EYA2: variants seen among roughly 807,000 people sequenced by gnomAD.
EYA2 encodes the protein protein phosphatase EYA2.
A neutral mutation model predicts 69.2 loss-of-function variants in EYA2; 31 were observed. The observed-to-expected ratio is 0.45, with a 90% confidence interval of 0.34 to 0.60. The LOEUF (loss-of-function observed/expected upper bound fraction) is 0.60, where lower values mean the gene tolerates loss of function less well. EYA2 is among the 20% of genes least tolerant of loss of function. The pLI, the probability that EYA2 is intolerant of heterozygous loss-of-function variation, is 0.02. For synonymous variants in EYA2, 257 were observed against 279.4 expected (o/e 0.92, Z 0.80); for missense variants, 622 against 701.2 (o/e 0.89, Z 1.28).
At chr20:46,936,174 A>G (rs187353856) in intron 1 of EYA2, among the ~76,000 whole-genome samples, 3 of 152,146 alleles carry the variant, frequency 2.0e-5, no homozygotes, top group Admixed American at 2.0e-4. Flanking sequence ...GATGACATTT[A>G]AAAAAAGCCT....
chr20:47,060,546 C>A (rs1340238995), intron 5 of EYA2, among the ~76,000 whole-genome samples: 1 of 152,258 alleles, frequency 6.6e-6, no homozygotes, highest in Non-Finnish European at 1.5e-5. Flanking sequence ...TAGTCTTCAT[C>A]AGCCTGGGCA....
chr20:46,894,937 G>GGCCCGCCC lies in EYA2; in HGVS notation c.-50_-43dup, dbSNP rs957647329. The GGCCCGCCC allele has an allele frequency of 4.0e-5, 6 of 151,502 alleles. 1 individual carries two copies. The highest frequency in any genetic ancestry group is 1.4e-4 in the African/African-American group (6 of 41,444). The allele number at this position is 151,502 out of a possible 1,614,324, so 9.4% of individuals were successfully genotyped here. ...AGCCCGGCCTCGTCGGACCCGCACCGGCCCGCCCGCCCGCCCGCACCGCGT... is the reference window on the plus strand; with the variant it reads ...AGCCCGGCCTCGTCGGACCCGCACCGGCCCGCCCGCCCGCCCGCCCGCCCGCACCGCGT... On this transcript the variant is annotated 5_prime_UTR_variant, in exon 1 of 16. Coordinates refer to ENST00000327619, the MANE Select transcript of EYA2 (RefSeq NM_005244.5).
intron 1 of EYA2, among the ~76,000 whole-genome samples, chr20:46,970,951 G>C (rs1980105518): frequency 6.6e-6 from 1 of 152,110 alleles, no homozygotes; most frequent in African/African-American, 2.4e-5. Context: ...ACTATGACGG[G>C]GGAAATAGAT....
Position 47,108,042 on chromosome 20 carries a change from C to T in EYA2, c.888+10874C>T, listed in dbSNP as rs149691486. Among the ~76,000 whole-genome samples, 191 of 152,260 alleles carry T rather than the reference C, an allele frequency of 1.3e-3. 2 individuals carry two copies. The highest frequency in any genetic ancestry group is 4.5e-3 in the African/African-American group (187 of 41,554). On this transcript the variant is annotated intron_variant, in intron 9 of 15. Coordinates refer to ENST00000327619, the MANE Select transcript of EYA2 (RefSeq NM_005244.5). Reference sequence around the variant, plus strand: ...GGAGTTTGAGGGACAGCAAGGAGGCCAGTGTGGCTGGAGCACAGCAGACTG... The same window carrying T: ...GGAGTTTGAGGGACAGCAAGGAGGCTAGTGTGGCTGGAGCACAGCAGACTG...
chr20:46,960,378 C>T (rs1979400425), intron 1 of EYA2, among the ~76,000 whole-genome samples: 1 of 152,182 alleles, frequency 6.6e-6, no homozygotes. Context: ...ATAATAAAAA[C>T]AGCTAAGTTT....
At chr20:47,080,521 T>G in intron 7 of EYA2, among the ~76,000 whole-genome samples, 1 of 144,576 alleles carries the variant, frequency 6.9e-6, no homozygotes. Context: ...GGAGGGAAGA[T>G]TGGTCAAAGG....
intron 5 of EYA2, among the ~76,000 whole-genome samples, chr20:47,028,010 G>A (rs1392059767): frequency 6.6e-6 from 1 of 152,164 alleles, no homozygotes; most frequent in East Asian, 1.9e-4. Flanking sequence ...TGGTGATGAG[G>A]CCTTTGGGAG....
chr20:47,120,331 G>A (rs2033012830), intron 9 of EYA2, among the ~76,000 whole-genome samples: 3 of 152,006 alleles, frequency 2.0e-5, no homozygotes, highest in Admixed American at 2.0e-4. Context: ...AGCTATGATC[G>A]CACCACTGCA....
intron 8 of EYA2, among the ~76,000 whole-genome samples, chr20:47,091,781 A>G (rs1187913262): frequency 6.6e-6 from 1 of 152,158 alleles, no homozygotes; most frequent in Non-Finnish European, 1.5e-5. Context: ...TTAAGCAAAA[A>G]TGAATTTACT....
intron 9 of EYA2, among the ~76,000 whole-genome samples, chr20:47,097,841 A>G (rs1161829186): frequency 1.8e-4 from 27 of 152,206 alleles, no homozygotes; most frequent in Non-Finnish European, 4.4e-5. Context: ...TGGATGCCCT[A>G]GACATCTGTC....
chr20:47,139,018 C>T (rs1024801006), intron 9 of EYA2, among the ~76,000 whole-genome samples: 4 of 152,176 alleles, frequency 2.6e-5, no homozygotes, highest in African/African-American at 4.8e-5. Context: ...TGATGTGTCC[C>T]TGTTAATACA....
intron 9 of EYA2, among the ~76,000 whole-genome samples, 153 bp downstream of exon 9, chr20:47,097,321 C>G (rs2032279531): frequency 6.6e-6 from 1 of 152,196 alleles, no homozygotes; most frequent in Non-Finnish European, 1.5e-5. Flanking sequence ...ATTCCTATGA[C>G]ATTTTCCTTT....
intron 1 of EYA2, among the ~76,000 whole-genome samples, chr20:46,987,311 A>G (rs1981294102): frequency 6.6e-6 from 1 of 152,230 alleles, no homozygotes; most frequent in Non-Finnish European, 1.5e-5. Context: ...ATTATGAAAT[A>G]GTATCCTTCT....
intron 9 of EYA2, among the ~76,000 whole-genome samples, chr20:47,118,362 A>C (rs1368708522): frequency 1.3e-5 from 2 of 151,992 alleles, no homozygotes; most frequent in African/African-American, 4.8e-5. Flanking sequence ...TGGGAGAAGG[A>C]GAGTGACCTC....
chr20:47,125,810 TGGC>T (rs1568793981), intron 9 of EYA2, among the ~76,000 whole-genome samples: 1 of 152,212 alleles, frequency 6.6e-6, no homozygotes, highest in Non-Finnish European at 1.5e-5. Context: ...AACAGCTCCT[TGGC>T]GGTGATTTTT....
chr20:46,940,184 T>C (rs181113169), intron 1 of EYA2, among the ~76,000 whole-genome samples: 9 of 152,328 alleles, frequency 5.9e-5, no homozygotes, highest in Admixed American at 5.9e-4. Context: ...GAGGTGGGCT[T>C]CCTACAAAGA....
intron 1 of EYA2, among the ~76,000 whole-genome samples, chr20:46,925,640 G>A (rs1053532470): frequency 3.3e-5 from 5 of 152,132 alleles, no homozygotes; most frequent in African/African-American, 9.7e-5. Flanking sequence ...CCATAAAATC[G>A]AGAACAATTT....
chr20:47,179,715 C>A, intron 12 of EYA2, 83 bp from the exon 13 acceptor site: 1 of 932,924 alleles, frequency 1.1e-6, no homozygotes, highest in South Asian at 1.5e-5. Context: ...CCTCAGGGTA[C>A]AGTAGCTAGA....
chr20:47,118,367 G>A (rs2032961273), intron 9 of EYA2, among the ~76,000 whole-genome samples: 1 of 152,020 alleles, frequency 6.6e-6, no homozygotes, highest in African/African-American at 2.4e-5. Context: ...GAAGGAGAGT[G>A]ACCTCACTAG....
Sources: allele counts gnomAD v4.1 joint callset (sites outside exome capture counted in the v4.1 genomes callset), GRCh38; gene constraint gnomAD v4.1.1; transcripts MANE v1.5; gene names NCBI Gene and HGNC (gene_info 2026-07-23, HGNC 2026-07-21).